Variants in UROC1 observed in about 807,000 individuals in gnomAD.
UROC1 encodes urocanate hydratase 1.
In UROC1, 79 loss-of-function variants were observed where a neutral mutation model predicts 89.5. That is an observed-to-expected ratio of 0.88 (90% CI 0.74 to 1.06). The LOEUF (loss-of-function observed/expected upper bound fraction) is 1.06. Among genes scored for constraint, UROC1 ranks in the 50% least tolerant of loss-of-function variants. The pLI, the probability that UROC1 is intolerant of heterozygous loss-of-function variation, is 0.00. For synonymous variants in UROC1, 361 were observed against 354.8 expected, an observed-to-expected ratio of 1.02 and a Z score of -0.20; for missense variants, 885 against 907.8, an observed-to-expected ratio of 0.97 and a Z score of 0.32.
At chr3:126,501,330 T>G in intron 9 of UROC1, 50 bp from the exon 10 acceptor site, 1 of 1,609,482 alleles carries the variant, frequency 6.2e-7, no homozygotes, top group Non-Finnish European at 8.5e-7. Flanking sequence ...TGTGCATAGG[T>G]GCCCCAGACA....
chr3:126,489,042 G>A lies in UROC1; in HGVS notation c.1708+234C>T, dbSNP rs531250024. 1.4e-4 allele frequency among the ~76,000 whole-genome samples: 21 copies of A among 152,292 alleles called. No individual in the cohort carries two copies. In the South Asian group the frequency reaches 4.4e-3, roughly 32 times the overall value. ...GTAAGGAAACAGCTGGCTGCCCACA[G>A]CCTGTAGGTCACCCAAGTCCAGGGC... is the stretch of plus-strand genomic sequence containing the variant. On this transcript the variant is annotated intron_variant, in intron 17 of 19. Transcript: ENST00000290868.
At chr3:126,494,806 T>C (rs1175496326) in intron 15 of UROC1, among the ~76,000 whole-genome samples, 3 of 151,986 alleles carry the variant, frequency 2.0e-5, no homozygotes, top group South Asian at 2.1e-4. Context: ...TCCCTGGCCA[T>C]TCTGTGTGAG....
In UROC1 at chr3:126,511,360, C is replaced by T. The variant is rs1424778400; in HGVS notation, c.127-566G>A. 1.3e-5 allele frequency among the ~76,000 whole-genome samples: 2 copies of T among 152,186 alleles called. 1 individual carries two copies. The highest frequency in any genetic ancestry group is 4.8e-5 in the African/African-American group (2 of 41,444). On this transcript the variant is annotated intron_variant, in intron 1 of 19. Transcript: ENST00000290868. The stretch of plus-strand genomic sequence containing the variant: ...CCACGTGGGTTCTAATACATCCATC[C>T]TCTTCTAACTCCTTTCATTTCACTT...
At chr3:126,488,835 G>A (rs943930009) in intron 17 of UROC1, among the ~76,000 whole-genome samples, 1 of 152,230 alleles carries the variant, frequency 6.6e-6, no homozygotes, top group Non-Finnish European at 1.5e-5. Flanking sequence ...CCCCTGGGTA[G>A]ACAGCGGTAA....
rs1379822902 is a variant in UROC1 at position 126,488,322 on chromosome 3, G to A, written c.1709-43C>T. 2.5e-6 allele frequency: 4 copies of A among 1,609,702 alleles called. No individual in the cohort carries two copies. In the East Asian group the frequency reaches 8.9e-5, roughly 36 times the overall value. ...CCTCTGCTCATCACCCCCTGCACTG[G>A]GTGGGCACCTGGCTCAGTCAGGCCA... On this transcript the variant is annotated intron_variant, in intron 17 of 19. Transcript: ENST00000290868.
chr3:126,512,637 T>G (rs781678151), intron 1 of UROC1, among the ~76,000 whole-genome samples: 2 of 152,156 alleles, frequency 1.3e-5, no homozygotes, highest in African/African-American at 2.4e-5. Flanking sequence ...GTAGGAAGAT[T>G]GCTTGAGCCC....
chr3:126,508,644 G>A lies in UROC1; in HGVS notation c.352-169C>T, dbSNP rs149678834. Among the ~76,000 whole-genome samples, 877 of 152,306 alleles carry A rather than the reference G, an allele frequency of 5.8e-3. 3 individuals carry two copies. Among genetic ancestry groups the A allele is most frequent in the African/African-American group, 0.019 (809 of 41,564 alleles). On this transcript the variant is annotated intron_variant, in intron 3 of 19. Coordinates refer to ENST00000290868, the MANE Select transcript of UROC1 (RefSeq NM_144639.3). ...ATCTGCAAGAACACCGGCCCCAGCTGCAACTGGAGCAAGGGTTCAGCTTGG... is the reference window on the plus strand; with the variant it reads ...ATCTGCAAGAACACCGGCCCCAGCTACAACTGGAGCAAGGGTTCAGCTTGG...
At chr3:126,496,146 A>G in intron 14 of UROC1, 38 bp from the exon 15 acceptor site, 1 of 1,599,470 alleles carries the variant, frequency 6.3e-7, no homozygotes, top group Non-Finnish European at 8.5e-7. Flanking sequence ...GAGACCCTCC[A>G]GGGGCACAGA....
At chr3:126,499,517 G>A in intron 12 of UROC1, 108 bp from the exon 13 acceptor site, 1 of 1,105,686 alleles carries the variant, frequency 9.0e-7, no homozygotes, top group Non-Finnish European at 1.3e-6. Context: ...GGATGCACAA[G>A]GTCTTTTTCA....
intron 18 of UROC1, among the ~76,000 whole-genome samples, chr3:126,485,560 A>G (rs1263430974): frequency 6.7e-6 from 1 of 150,100 alleles, no homozygotes; most frequent in African/African-American, 2.4e-5. Context: ...ATTCCACCCC[A>G]CACCTGCTTT....
intron 1 of UROC1, among the ~76,000 whole-genome samples, chr3:126,512,357 C>T (rs571136404): frequency 4.6e-5 from 7 of 152,352 alleles, no homozygotes; most frequent in East Asian, 1.9e-4. Flanking sequence ...ATGGGCACTG[C>T]GGCACTGCGG....
intron 9 of UROC1, among the ~76,000 whole-genome samples, chr3:126,502,202 TTG>T (rs932628373): frequency 4.0e-5 from 6 of 151,790 alleles, no homozygotes; most frequent in African/African-American, 9.7e-5. Context: ...TTGCGTGTGT[TTG>T]TGTGTGTGTC....
chr3:126,506,509 G>A (rs148234153), intron 6 of UROC1, among the ~76,000 whole-genome samples: 55 of 152,290 alleles, frequency 3.6e-4, no homozygotes, highest in African/African-American at 1.3e-3. Flanking sequence ...CAGATTGGGA[G>A]GCAAAAGGGT....
chr3:126,493,274 C>T (rs1410293115), intron 15 of UROC1, among the ~76,000 whole-genome samples: 2 of 152,134 alleles, frequency 1.3e-5, no homozygotes, highest in Non-Finnish European at 1.5e-5. Context: ...CTACAACGGC[C>T]CCCGTGATGA....
intron 1 of UROC1, among the ~76,000 whole-genome samples, chr3:126,512,120 C>A (rs1010625291): frequency 6.6e-6 from 1 of 152,232 alleles, no homozygotes; most frequent in African/African-American, 2.4e-5. Flanking sequence ...ATGCCTTGGA[C>A]TGGAGGCAGC....
In UROC1 at chr3:126,482,151, C is replaced by G; in HGVS notation, c.*194G>C. The G allele has an allele frequency of 1.4e-6, 1 of 725,434 alleles. No homozygotes were observed. Among genetic ancestry groups the G allele is most frequent in the Non-Finnish European group, 2.2e-6 (1 of 446,666 alleles). 44.9% of individuals were successfully genotyped at this position (725,434 alleles called of 1,614,324 possible). On this transcript the variant is annotated 3_prime_UTR_variant, in exon 20 of 20. Transcript: ENST00000290868. ...TGGCATGGTTGTGGACAGAGAGCTG[C>G]ATGTCTCTGGGCCTCAGGGGGCTGT...
intron 15 of UROC1, among the ~76,000 whole-genome samples, chr3:126,495,347 T>C (rs1935752824): frequency 1.3e-5 from 2 of 152,224 alleles, no homozygotes; most frequent in African/African-American, 2.4e-5. Flanking sequence ...TTCTGCTTTC[T>C]GTCTCTATGA....
chr3:126,509,904 G>A (rs1936158543), intron 2 of UROC1, among the ~76,000 whole-genome samples: 1 of 152,210 alleles, frequency 6.6e-6, no homozygotes, highest in Non-Finnish European at 1.5e-5. Flanking sequence ...ACTCCACCTG[G>A]GAGACAGCTG....
chr3:126,507,689 G>T lies in UROC1; in HGVS notation c.602+53C>A. 1.9e-6 allele frequency: 3 copies of T among 1,570,166 alleles called. No individual in the cohort carries two copies. In the South Asian group the frequency reaches 3.3e-5, roughly 17 times the overall value. The stretch of plus-strand genomic sequence containing the variant: ...TAATATCACCACTTTGCTTTATAAT[G>T]ACCCATGGCTAACGGGGAAACACGG... On this transcript the variant is annotated intron_variant, in intron 6 of 19. Transcript: ENST00000290868.
Sources: allele counts gnomAD v4.1 joint callset (sites outside exome capture counted in the v4.1 genomes callset), GRCh38; gene constraint gnomAD v4.1.1; transcripts MANE v1.5; gene names NCBI Gene and HGNC (gene_info 2026-07-23, HGNC 2026-07-21).